Variants in ODAD4 observed in about 807,000 individuals in gnomAD.
ODAD4 encodes outer dynein arm-docking complex subunit 4.
In ODAD4, 49 loss-of-function variants were observed where a neutral mutation model predicts 51.8. That is an observed-to-expected ratio of 0.95 (90% CI 0.75 to 1.20). ODAD4 has a LOEUF of 1.20. ODAD4 is among the 50% of genes most tolerant of loss of function. The pLI is 0.00. For synonymous variants in ODAD4, 235 were observed against 221.3 expected, an observed-to-expected ratio of 1.06 and a Z score of -0.55; for missense variants, 590 against 586.5, an observed-to-expected ratio of 1.01 and a Z score of -0.06.
rs368318610 is a variant in ODAD4 at position 41,965,046 on chromosome 17, G to A, written c.1582G>A (p.Val528Met). The change falls in exon 12 of 12, where the codon GTG (valine) becomes ATG (methionine). Residue 528 changes from valine to methionine, a missense_variant. Around this residue, in one of 3 missense-constraint regions of ODAD4, gnomAD observed 226 missense variants for 162.7 expected, o/e 1.39. Transcript: ENST00000377540. ...IITREKDMRRVRDEPEKVVKQ... is the reference protein window; with the variant it reads ...IITREKDMRRMRDEPEKVVKQ... ...AACAAGAGAGAAGGACATGAGGAGAGTGAGAGATGAGCCCGAGAAGGTGGT... is the reference window on the plus strand; with the variant it reads ...AACAAGAGAGAAGGACATGAGGAGAATGAGAGATGAGCCCGAGAAGGTGGT... The A allele has an allele frequency of 1.8e-4, 134 of 741,528 alleles. No individual in the cohort carries two copies. The African/African-American group carries it at 2.0e-3, about 11-fold the overall frequency. 45.9% of individuals were successfully genotyped at this position (741,528 alleles called of 1,614,324 possible).
In ODAD4 at chr17:41,935,771, G is replaced by A. The variant is rs372406010; in HGVS notation, c.397+22G>A. 6.8e-6 allele frequency: 11 copies of A among 1,613,024 alleles called. No individual in the cohort carries two copies. In the African/African-American group the frequency reaches 9.3e-5, roughly 14 times the overall value. ...GGAAGTGAGTGACCACAGGGCCTATGCCCTTATCCAGGAAGGTCCTTGGAA... is the reference window on the plus strand; with the variant it reads ...GGAAGTGAGTGACCACAGGGCCTATACCCTTATCCAGGAAGGTCCTTGGAA... On this transcript the variant is annotated intron_variant, in intron 3 of 11. Transcript: ENST00000377540.
At chr17:41,959,854 CCT>C (rs138033877) in intron 10 of ODAD4, among the ~76,000 whole-genome samples, 2,256 of 152,268 alleles carry the variant, frequency 0.015, 56 homozygotes, top group African/African-American at 0.048. Flanking sequence ...CTAACACTGC[CCT>C]CTCATGGCGG....
intron 10 of ODAD4, among the ~76,000 whole-genome samples, chr17:41,958,791 G>A (rs535806257): frequency 1.7e-4 from 26 of 152,060 alleles, no homozygotes; most frequent in African/African-American, 4.3e-4. Flanking sequence ...TTGGGAGGCC[G>A]AGGCGGGTGG....
intron 6 of ODAD4, 89 bp from the exon 7 acceptor site, chr17:41,938,876 C>A: frequency 6.4e-7 from 1 of 1,573,728 alleles, no homozygotes; most frequent in South Asian, 1.1e-5. Flanking sequence ...GTCTCTCAGA[C>A]CTGCAGATGG....
Position 41,949,152 on chromosome 17 carries a change from G to T in ODAD4, c.1146-1G>T. On this transcript the variant is annotated splice_acceptor_variant, in intron 8 of 11. Coordinates refer to ENST00000377540, the MANE Select transcript of ODAD4 (RefSeq NM_031421.5). LOFTEE classifies it high-confidence loss of function. ...CTGACTCTGGTTCTTCATGTCCCCA[G>T]GTGGGAAGAAAAGATCCCTCTGGCA... 2.5e-6 allele frequency: 1 copy of T among 398,566 alleles called. No homozygotes were observed. Among genetic ancestry groups the T allele is most frequent in the Non-Finnish European group, 4.4e-6 (1 of 226,084 alleles). 24.7% of individuals were successfully genotyped at this position (398,566 alleles called of 1,614,324 possible). A position where few individuals can be genotyped will look rare whatever the true frequency, so the allele number is the denominator to read the frequency against.
intron 4 of ODAD4, 26 bp downstream of exon 4, chr17:41,936,560 A>G (rs1294447148): frequency 1.9e-5 from 30 of 1,604,114 alleles, no homozygotes; most frequent in Non-Finnish European, 2.6e-5. Flanking sequence ...CTGTGGTTGT[A>G]TCCCTCCAAG....
intron 10 of ODAD4, among the ~76,000 whole-genome samples, chr17:41,960,063 C>T (rs1307810428): frequency 1.3e-5 from 2 of 152,248 alleles, no homozygotes; most frequent in Non-Finnish European, 2.9e-5. Flanking sequence ...TGTGATCGCC[C>T]TGCAGACAGA....
At chr17:41,943,598 G>A (rs1337584679) in intron 7 of ODAD4, among the ~76,000 whole-genome samples, 1 of 152,170 alleles carries the variant, frequency 6.6e-6, no homozygotes, top group African/African-American at 2.4e-5. Flanking sequence ...AAATCACAAT[G>A]GTGGAATGTC....
rs1555637944 is a variant in ODAD4, at chr17:41,936,921, G to A, written c.619G>A (p.Asp207Asn). Residue 207 changes from aspartate (D) to asparagine (N), a missense_variant, in exon 5 of 12, where the codon GAT becomes AAT. Asp to Asn is a conservative substitution (Grantham distance 23). This residue lies in a region of ODAD4 where 360 missense variants were observed against 407.5 expected (regional missense o/e 0.88). Coordinates refer to ENST00000377540, the MANE Select transcript of ODAD4 (RefSeq NM_031421.5). ...AGAGTATTTGGAGAAGCTCCTATTG[G>A]ATGAAGGTTTCGGACACTTTGTTGG... Reference protein sequence around the residue: ...DKEYLEKLLLDEDLIKGTMKG... With the variant: ...DKEYLEKLLLNEDLIKGTMKG... 1 of 1,613,704 alleles carries A rather than the reference G, an allele frequency of 6.2e-7. No individual in the cohort carries two copies. The highest frequency in any genetic ancestry group is 1.7e-5 in the Admixed American group (1 of 60,004).
intron 9 of ODAD4, among the ~76,000 whole-genome samples, chr17:41,953,049 G>GTTTTA (rs1217496312): frequency 3.9e-5 from 6 of 152,014 alleles, no homozygotes; most frequent in Middle Eastern, 3.4e-3. Context: ...GTGTAATGGC[G>GTTTTA]TTTTATTTTA....
chr17:41,951,450 A>T (rs1025978513), intron 9 of ODAD4, among the ~76,000 whole-genome samples: 4 of 143,916 alleles, frequency 2.8e-5, no homozygotes, highest in East Asian at 2.1e-4. Context: ...TTATTTATTT[A>T]TTTTTTTGAG....
In ODAD4 at chr17:41,961,442, A is replaced by G. The variant is rs373808757; in HGVS notation, c.1504A>G (p.Asn502Asp). 1.4e-6 allele frequency: 1 copy of G among 734,072 alleles called. No individual in the cohort carries two copies. The highest frequency in any genetic ancestry group is 2.5e-6 in the Non-Finnish European group (1 of 394,088). 45.5% of individuals were successfully genotyped at this position (734,072 alleles called of 1,614,324 possible). ...RELRKTNYVENLKEKSEGEAS... is the reference protein window; with the variant it reads ...RELRKTNYVEDLKEKSEGEAS... Reference sequence around the variant, plus strand: ...ACTGAGGAAAACCAACTACGTGGAGAATCTCAAAGAAAAAAGCGAGGGAGG... The same window carrying G: ...ACTGAGGAAAACCAACTACGTGGAGGATCTCAAAGAAAAAAGCGAGGGAGG... The change falls in exon 11 of 12, where the codon AAT becomes GAT. Residue 502 changes from asparagine (N) to aspartate (D), a missense_variant. Coordinates refer to ENST00000377540, the MANE Select transcript of ODAD4 (RefSeq NM_031421.5).
chr17:41,959,013 C>CAA (rs72102753), intron 10 of ODAD4, among the ~76,000 whole-genome samples: 3 of 88,100 alleles, frequency 3.4e-5, no homozygotes, highest in Non-Finnish European at 4.8e-5. Flanking sequence ...GACTCCGTCT[C>CAA]AAAAAAAAAA....
chr17:41,939,489 T>C (rs1555638414), intron 7 of ODAD4, among the ~76,000 whole-genome samples: 2 of 152,210 alleles, frequency 1.3e-5, no homozygotes, highest in African/African-American at 2.4e-5. Flanking sequence ...CAGATGCTGC[T>C]AGTGTGGGAA....
intron 10 of ODAD4, among the ~76,000 whole-genome samples, chr17:41,957,513 C>T (rs2050749209): frequency 6.6e-6 from 1 of 152,160 alleles, no homozygotes; most frequent in Non-Finnish European, 1.5e-5. Context: ...GTCAGTGGCC[C>T]AGGGTCTAAA....
At chr17:41,940,060 G>C (rs74553025) in intron 7 of ODAD4, among the ~76,000 whole-genome samples, 1 of 152,086 alleles carries the variant, frequency 6.6e-6, no homozygotes, top group South Asian at 2.1e-4. Context: ...ACTTCCACCC[G>C]GAGGTTCCAT....
chr17:41,949,396 C>T, intron 9 of ODAD4, 47 bp downstream of exon 9: 1 of 398,368 alleles, frequency 2.5e-6, no homozygotes, highest in Non-Finnish European at 4.4e-6. Context: ...CCTTCAGGCC[C>T]AGCTCACACC....
intron 8 of ODAD4, 31 bp downstream of exon 8, chr17:41,945,253 C>T (rs1555639346): frequency 6.5e-7 from 1 of 1,548,952 alleles, no homozygotes; most frequent in Non-Finnish European, 8.9e-7. Flanking sequence ...TCTTCCCCAC[C>T]TCCATGGTTA....
intron 9 of ODAD4, among the ~76,000 whole-genome samples, chr17:41,951,762 T>C (rs1555640169): frequency 6.6e-6 from 1 of 150,706 alleles, no homozygotes; most frequent in African/African-American, 2.4e-5. Context: ...CACACGCCTG[T>C]AGTCCCAACT....
Sources: allele counts gnomAD v4.1 joint callset (sites outside exome capture counted in the v4.1 genomes callset), GRCh38; gene constraint gnomAD v4.1.1; regional missense constraint gnomAD v4.1.1; transcripts MANE v1.5; gene names NCBI Gene and HGNC (gene_info 2026-07-23, HGNC 2026-07-21).